MYO9A: variants seen among roughly 807,000 people sequenced by gnomAD.
MYO9A encodes unconventional myosin-IXa.
MYO9A carries 103 observed loss-of-function variants against 293.3 expected under a neutral mutation model. That is an observed-to-expected ratio of 0.35 (90% CI 0.30 to 0.41). The LOEUF (loss-of-function observed/expected upper bound fraction) is 0.41. MYO9A is among the 10% of genes least tolerant of loss of function. MYO9A has a pLI of 1.00. For synonymous variants in MYO9A, 1,001 were observed against 1,035.7 expected (o/e 0.97, Z 0.64); for missense variants, 2,685 against 3,033.0 (o/e 0.89, Z 2.69).
At chr15:72,113,978 T>G (rs961729582) in intron 1 of MYO9A, among the ~76,000 whole-genome samples, 8 of 152,014 alleles carry the variant, frequency 5.3e-5, no homozygotes, top group African/African-American at 1.9e-4. Flanking sequence ...CAGAAATTAG[T>G]AATAAATGGA....
At chr15:72,019,584 A>C (rs1163496044) in intron 5 of MYO9A, among the ~76,000 whole-genome samples, 2 of 152,206 alleles carry the variant, frequency 1.3e-5, no homozygotes, top group African/African-American at 2.4e-5. Context: ...TCTATGTGTA[A>C]AAATTAATAA....
intron 35 of MYO9A, among the ~76,000 whole-genome samples, chr15:71,853,802 A>G (rs1433928519): frequency 6.6e-6 from 1 of 152,232 alleles, no homozygotes; most frequent in Non-Finnish European, 1.5e-5. Flanking sequence ...TCATCAGTGT[A>G]GGCAGGCAAG....
intron 32 of MYO9A, among the ~76,000 whole-genome samples, chr15:71,872,518 C>T (rs570747215): frequency 6.6e-6 from 1 of 152,228 alleles, no homozygotes; most frequent in South Asian, 2.1e-4. Flanking sequence ...GTGATACATT[C>T]CCCAAATACC....
rs748930604 is a variant in MYO9A, at chr15:71,826,925, G to C, written c.7302C>G (p.Ser2434=). 1.2e-6 allele frequency: 2 copies of C among 1,613,922 alleles called. No individual in the cohort carries two copies. The highest frequency in any genetic ancestry group is 4.5e-5 in the East Asian group (2 of 44,894). Residue 2434 remains serine (S), a synonymous_variant, in exon 42 of 42, where the codon TCC becomes TCG. Coordinates refer to ENST00000356056, the MANE Select transcript of MYO9A (RefSeq NM_006901.4). ...DSLDVVDSSV[S]SLCLSNTASS... The stretch of plus-strand genomic sequence containing the variant: ...ATGCCGTGTTAGACAGACATAAAGA[G>C]GAGACCGAAGAGTCCACGACATCTA...
Position 72,020,922 on chromosome 15 carries a change from T to C in MYO9A, c.1094A>G (p.Asn365Ser), listed in dbSNP as rs201084330. The change falls in exon 5 of 42, where the codon AAT (asparagine) becomes AGT (serine). Residue 365 changes from asparagine to serine, a missense_variant. Asn to Ser is a conservative substitution (Grantham distance 46). Coordinates refer to ENST00000356056, the MANE Select transcript of MYO9A (RefSeq NM_006901.4). ...ATGCTTTTTATGAACTCTCACCTGATTGAGATAATGATATTCCTCTGGTTG... is the reference window on the plus strand; with the variant it reads ...ATGCTTTTTATGAACTCTCACCTGACTGAGATAATGATATTCCTCTGGTTG... Reference protein sequence around the residue: ...LKQPEEYHYLNQITKKPLRQS... With the variant: ...LKQPEEYHYLSQITKKPLRQS... 15 of 1,517,804 alleles carry C rather than the reference T, an allele frequency of 9.9e-6. No individual in the cohort carries two copies. The Admixed American group carries it at 2.2e-4, about 22-fold the overall frequency. The allele number at this position is 1,517,804 out of a possible 1,614,324, so 94.0% of individuals were successfully genotyped here. A position where few individuals can be genotyped will look rare whatever the true frequency, so the allele number is the denominator to read the frequency against.
At chr15:72,017,676 T>C (rs1370464323) in intron 6 of MYO9A, among the ~76,000 whole-genome samples, 1 of 152,232 alleles carries the variant, frequency 6.6e-6, no homozygotes, top group East Asian at 1.9e-4. Context: ...ATACTGATCA[T>C]TCTCACCTGT....
chr15:72,007,972 A>G lies in MYO9A; in HGVS notation c.1254-20T>C. ...AAAATCCTGGGAAAATAAAACACAA[A>G]TTATAGCTTAGTTGTGTCCATTCCC... On this transcript the variant is annotated intron_variant, in intron 7 of 41. Coordinates refer to ENST00000356056, the MANE Select transcript of MYO9A (RefSeq NM_006901.4). 1 of 1,604,822 alleles carries G rather than the reference A, an allele frequency of 6.2e-7. No individual in the cohort carries two copies. The highest frequency in any genetic ancestry group is 8.5e-7 in the Non-Finnish European group (1 of 1,177,174).
chr15:71,920,705 C>T (rs1380782191), intron 18 of MYO9A, among the ~76,000 whole-genome samples: 2 of 152,040 alleles, frequency 1.3e-5, no homozygotes, highest in South Asian at 2.1e-4. Context: ...CCCAGCACTT[C>T]GGAAGGCTGA....
intron 2 of MYO9A, among the ~76,000 whole-genome samples, chr15:72,035,692 C>T (rs541374605): frequency 5.3e-5 from 8 of 152,132 alleles, no homozygotes; most frequent in Non-Finnish European, 1.0e-4. Flanking sequence ...GTAATCTCAG[C>T]TAATCTGGAG....
intron 39 of MYO9A, among the ~76,000 whole-genome samples, chr15:71,840,415 C>T (rs2055106684): frequency 6.6e-6 from 1 of 152,132 alleles, no homozygotes; most frequent in Admixed American, 6.5e-5. Context: ...TACTCCCAGT[C>T]CCATATCCTC....
intron 1 of MYO9A, among the ~76,000 whole-genome samples, chr15:72,055,158 T>C (rs556595921): frequency 6.6e-6 from 1 of 152,314 alleles, no homozygotes; most frequent in South Asian, 2.1e-4. Context: ...CAGTGGTGCG[T>C]GCCCATAGTC....
At chr15:71,973,479 C>T (rs772423027) in intron 12 of MYO9A, among the ~76,000 whole-genome samples, 9 of 152,100 alleles carry the variant, frequency 5.9e-5, no homozygotes, top group Non-Finnish European at 1.0e-4. Context: ...ACACAGGGCT[C>T]ACTACTAAGC....
In MYO9A at chr15:71,962,380, G is replaced by A. The variant is rs79800559; in HGVS notation, c.1987-2284C>T. ...GCTTGCACTTATCCTATTACTTTTA[G>A]GGTTTTCCTTTCCTAATTCTTCTTT... On this transcript the variant is annotated intron_variant, in intron 13 of 41. Transcript: ENST00000356056. 1.4e-4 allele frequency among the ~76,000 whole-genome samples: 22 copies of A among 152,182 alleles called. 1 individual carries two copies. In the East Asian group the frequency reaches 3.9e-3, roughly 27 times the overall value.
chr15:71,825,604 T>C lies in MYO9A; in HGVS notation c.*976A>G, dbSNP rs2054449516. Reference sequence around the variant, plus strand: ...GAAACTAACTAAACGGTCACATTATTTGTTTGTTTGTTTGAGTCTGAGTCT... The same window carrying C: ...GAAACTAACTAAACGGTCACATTATCTGTTTGTTTGTTTGAGTCTGAGTCT... On this transcript the variant is annotated 3_prime_UTR_variant, in exon 42 of 42. Transcript: ENST00000356056. 1 of 152,184 alleles carries C rather than the reference T, an allele frequency of 6.6e-6. No homozygotes were observed. 9.4% of individuals were successfully genotyped at this position (152,184 alleles called of 1,614,324 possible). A position where few individuals can be genotyped will look rare whatever the true frequency, so the allele number is the denominator to read the frequency against.
At chr15:72,092,326 C>T (rs1332838088) in intron 1 of MYO9A, among the ~76,000 whole-genome samples, 1 of 152,194 alleles carries the variant, frequency 6.6e-6, no homozygotes, top group Non-Finnish European at 1.5e-5. Flanking sequence ...TGCTTTGGCA[C>T]TGAGCAGAAA....
chr15:71,827,208 A>G (rs775018458), intron 41 of MYO9A, among the ~76,000 whole-genome samples, 165 bp from the exon 42 acceptor site: 13 of 152,162 alleles, frequency 8.5e-5, no homozygotes, highest in Non-Finnish European at 1.3e-4. Context: ...CTCACCATCC[A>G]TTTCTCTATG....
chr15:71,999,094 AT>A (rs2076790721), intron 9 of MYO9A: 1 of 152,184 alleles, frequency 6.6e-6, no homozygotes, highest in African/African-American at 2.4e-5. Flanking sequence ...AGATAAATGG[AT>A]CAATGTCAAG....
intron 41 of MYO9A, 77 bp downstream of exon 41, chr15:71,827,795 ATTCTTAAAAGAC>A (rs1215598473): frequency 7.1e-7 from 1 of 1,400,546 alleles, no homozygotes; most frequent in East Asian, 2.3e-5. Context: ...CAGTCAGTAA[ATTCTTAAAAGAC>A]TTTGTCTTAG....
intron 15 of MYO9A, among the ~76,000 whole-genome samples, chr15:71,948,611 T>C (rs1286236495): frequency 1.3e-5 from 2 of 152,186 alleles, no homozygotes; most frequent in Non-Finnish European, 2.9e-5. Context: ...AAGCCTAAAA[T>C]GTTTGCTGTC....
Sources: gnomAD v4.1 joint callset for allele counts (sites outside exome capture counted in the v4.1 genomes callset) on GRCh38, gnomAD v4.1.1 for gene constraint, MANE v1.5 for transcripts, NCBI Gene and HGNC (gene_info 2026-07-23, HGNC 2026-07-21) for gene names.